The following DYRK4 variants were observed in gnomAD, a reference collection of about 807,000 sequenced individuals.
The protein encoded by DYRK4 is dual specificity tyrosine phosphorylation regulated kinase 4.
Under a neutral mutation model 68.3 loss-of-function variants are expected in DYRK4, and 64 were observed. The ratio of observed to expected loss-of-function variants is 0.94; its 90% CI spans 0.77 to 1.15. The LOEUF (loss-of-function observed/expected upper bound fraction) is 1.15. Among genes scored for constraint, DYRK4 ranks in the 50% most tolerant of loss-of-function variants. The pLI is 0.00. For synonymous variants in DYRK4, 274 were observed against 289.9 expected (o/e 0.95, Z 0.56); for missense variants, 740 against 764.7 (o/e 0.97, Z 0.38).
chr12:4,582,139 C>T (rs1364721632), intron 2 of DYRK4, among the ~76,000 whole-genome samples: 1 of 152,162 alleles, frequency 6.6e-6, no homozygotes, highest in African/African-American at 2.4e-5. Context: ...AGATAAGACC[C>T]AGGTCTTTTA....
At chr12:4,588,896 C>A in intron 2 of DYRK4, 41 bp from the exon 3 acceptor site, 1 of 1,516,864 alleles carries the variant, frequency 6.6e-7, no homozygotes, top group Non-Finnish European at 8.9e-7. Context: ...TGGGATAAAG[C>A]CATGCCAAGC....
At chr12:4,592,941 C>A in intron 5 of DYRK4, 61 bp from the exon 6 acceptor site, 1 of 1,569,494 alleles carries the variant, frequency 6.4e-7, no homozygotes, top group Non-Finnish European at 8.7e-7. Context: ...CCATCGTCTG[C>A]ATCCGGGGCA....
Position 4,613,711 on chromosome 12 carries a change from C to T in DYRK4, c.1863C>T (p.Asn621=). The T allele has an allele frequency of 6.3e-7, 1 of 1,584,688 alleles. No individual in the cohort carries two copies. Among genetic ancestry groups the T allele is most frequent in the African/African-American group, 1.3e-5 (1 of 74,396 alleles). The change falls in exon 15 of 15, where the codon AAC becomes AAT. Residue 621 remains asparagine, a synonymous_variant. Transcript: ENST00000543431. This position sits in a 1 kb window ranked among gnomAD's most constrained non-coding sequence, Gnocchi z 4.0. ...VSMTSPGQSK[N]FSLKNTNVLP... ...TGACCTCCCCAGGACAGAGCAAAAA[C>T]TTCTCCCTCAAGAACACAAACGTTT...
Position 4,586,729 on chromosome 12 carries a change from C to G in DYRK4, c.133-2208C>G, listed in dbSNP as rs5796118. Among the ~76,000 whole-genome samples, 166 of 112,466 alleles carry G rather than the reference C, an allele frequency of 1.5e-3. 1 individual carries two copies. Among genetic ancestry groups the G allele is most frequent in the Non-Finnish European group, 2.3e-3 (108 of 47,374 alleles). The allele number at this position is 112,466 out of a possible 152,430, so 73.8% of individuals were successfully genotyped here. On this transcript the variant is annotated intron_variant, in intron 2 of 14. Coordinates refer to ENST00000543431, the MANE Select transcript of DYRK4 (RefSeq NM_001394779.1). The stretch of plus-strand genomic sequence containing the variant: ...GTACACACACACACACACACACACA[C>G]ACAGACACACACACACACCCCTTTG...
intron 2 of DYRK4, among the ~76,000 whole-genome samples, chr12:4,584,526 G>C (rs10774243): frequency 0.49 from 71,946 of 147,046 alleles, 17,842 homozygotes; most frequent in Middle Eastern, 0.55. Context: ...CTGGTTTCAA[G>C]TTTCCCCCTT....
Position 4,613,461 on chromosome 12 carries a change from CA to C in DYRK4, c.1667-53del. The C allele has an allele frequency of 2.6e-6, 4 of 1,562,904 alleles. No individual in the cohort carries two copies. Among genetic ancestry groups the C allele is most frequent in the Non-Finnish European group, 3.5e-6 (4 of 1,148,222 alleles). On this transcript the variant is annotated intron_variant, in intron 14 of 14. Coordinates refer to ENST00000543431, the MANE Select transcript of DYRK4 (RefSeq NM_001394779.1). The surrounding 1 kb of genome is among the most constrained non-coding windows in gnomAD (Gnocchi z 4.0). ...GATGTACAACCTAAAGGACAATTAA[CA>C]TATAATCCACATTTGAATCTTGTTC... is the stretch of plus-strand genomic sequence containing the variant.
At chr12:4,600,842 A>G (rs752339992) in intron 10 of DYRK4, among the ~76,000 whole-genome samples, 2 of 149,554 alleles carry the variant, frequency 1.3e-5, no homozygotes, top group Non-Finnish European at 2.9e-5. Flanking sequence ...TATTAACTCA[A>G]TCTCTAGCCC....
At chr12:4,592,690 C>G in intron 5 of DYRK4, 1 of 232,486 alleles carries the variant, frequency 4.3e-6, no homozygotes, top group South Asian at 9.5e-5. Flanking sequence ...AAACTATATA[C>G]TATTGTCGAC....
rs753404187 is a variant in DYRK4 at position 4,596,696 on chromosome 12, G to T, written c.872G>T (p.Arg291Leu). The change falls in exon 8 of 15, where the codon CGC becomes CTC. Residue 291 changes from arginine to leucine, a missense_variant. Arg to Leu is a moderately radical substitution (Grantham distance 102, BLOSUM62 -2). Coordinates refer to ENST00000543431, the MANE Select transcript of DYRK4 (RefSeq NM_001394779.1). ...VVHMKDFFYFRNHFCITFELL... is the reference protein window; with the variant it reads ...VVHMKDFFYFLNHFCITFELL... Reference sequence around the variant, plus strand: ...CATATGAAGGACTTTTTCTACTTTCGCAATCACTTCTGCATCACCTTTGAG... The same window carrying T: ...CATATGAAGGACTTTTTCTACTTTCTCAATCACTTCTGCATCACCTTTGAG... 2 of 1,614,102 alleles carry T rather than the reference G, an allele frequency of 1.2e-6. No individual in the cohort carries two copies. The highest frequency in any genetic ancestry group is 1.7e-6 in the Non-Finnish European group (2 of 1,180,020).
chr12:4,579,868 G>A (rs1944824137), intron 2 of DYRK4, among the ~76,000 whole-genome samples: 1 of 151,808 alleles, frequency 6.6e-6, no homozygotes, highest in African/African-American at 2.4e-5. Flanking sequence ...TTGTCACCCG[G>A]TTTCCTGGCA....
chr12:4,600,925 C>T (rs1945074046), intron 10 of DYRK4, among the ~76,000 whole-genome samples: 2 of 152,000 alleles, frequency 1.3e-5, no homozygotes. Context: ...GTCTTTCTGG[C>T]AACCAGCCCC....
At position 4,605,051 on chromosome 12, in the gene DYRK4, G is replaced by A. The variant is rs1232724867; in HGVS notation, c.1264G>A (p.Glu422Lys). ...CACGGGCTACCCCCTGTTCCCCGGG[G>A]AGAATGAGGTGGAGCAGCTGGCCTG... is the stretch of plus-strand genomic sequence containing the variant. ...LYTGYPLFPGENEVEQLACIM... is the reference protein window; with the variant it reads ...LYTGYPLFPGKNEVEQLACIM... The change falls in exon 11 of 15, where the codon GAG becomes AAG. Residue 422 changes from glutamate to lysine, a missense_variant. This residue lies in a region of DYRK4 where 614 missense variants were observed against 603.7 expected (regional missense o/e 1.02). Transcript: ENST00000543431. The A allele has an allele frequency of 1.9e-6, 3 of 1,614,042 alleles. No homozygotes were observed. Among genetic ancestry groups the A allele is most frequent in the African/African-American group, 2.7e-5 (2 of 75,062 alleles).
chr12:4,578,813 C>T (rs1041655979), intron 2 of DYRK4, among the ~76,000 whole-genome samples: 3 of 152,184 alleles, frequency 2.0e-5, no homozygotes, highest in African/African-American at 7.2e-5. Context: ...ATCTGTCTGA[C>T]TCTGAGGTCT....
intron 2 of DYRK4, among the ~76,000 whole-genome samples, chr12:4,582,351 G>A (rs1408242614): frequency 1.3e-5 from 2 of 152,220 alleles, no homozygotes; most frequent in Admixed American, 1.3e-4. Flanking sequence ...GGCTGAGGCT[G>A]GAGAATCGCT....
intron 10 of DYRK4, among the ~76,000 whole-genome samples, chr12:4,600,690 G>A (rs1272072286): frequency 1.3e-5 from 2 of 151,660 alleles, no homozygotes; most frequent in Admixed American, 1.3e-4. Context: ...ACAAGGCAAA[G>A]TATTGAGAAG....
rs1780490145 is a variant in DYRK4, at chr12:4,590,427, C to T, written c.311C>T (p.Ser104Phe). Reference sequence around the variant, plus strand: ...AGCAAGAAAGTCCTGCTGAAGTCATCCCTGCTGTATCAGGTGAGTGCAGAC... The same window carrying T: ...AGCAAGAAAGTCCTGCTGAAGTCATTCCTGCTGTATCAGGTGAGTGCAGAC... Reference protein sequence around the residue: ...HISKKVLLKSSLLYQENQAHN... With the variant: ...HISKKVLLKSFLLYQENQAHN... The change falls in exon 4 of 15, where the codon TCC (serine) becomes TTC (phenylalanine). Residue 104 changes from serine to phenylalanine, a missense_variant. Transcript: ENST00000543431. The T allele has an allele frequency of 6.5e-7, 1 of 1,535,960 alleles. No individual in the cohort carries two copies. Among genetic ancestry groups the T allele is most frequent in the South Asian group, 1.2e-5 (1 of 84,042 alleles).
At chr12:4,565,267 G>A (rs1360421959) in intron 1 of DYRK4, among the ~76,000 whole-genome samples, 1 of 152,138 alleles carries the variant, frequency 6.6e-6, no homozygotes, top group Non-Finnish European at 1.5e-5. Context: ...AAAAAAGAAA[G>A]GCACAAAATA....
chr12:4,592,453 G>A (rs1187338260), intron 5 of DYRK4: 1 of 152,202 alleles, frequency 6.6e-6, no homozygotes, highest in Non-Finnish European at 1.5e-5. Flanking sequence ...CCACGCACGA[G>A]AGCGCCAATG....
At chr12:4,574,203 C>G (rs930758583) in intron 2 of DYRK4, among the ~76,000 whole-genome samples, 2 of 135,346 alleles carry the variant, frequency 1.5e-5, no homozygotes, top group Non-Finnish European at 3.1e-5. Flanking sequence ...CTGGCCTGGG[C>G]GACAGAGCGA....
Sources: gnomAD v4.1 joint callset for allele counts (sites outside exome capture counted in the v4.1 genomes callset) on GRCh38, gnomAD v4.1.1 for gene constraint, gnomAD v4.1.1 regional missense constraint, Gnocchi (gnomAD v3.1) non-coding constraint, MANE v1.5 for transcripts, NCBI Gene and HGNC (gene_info 2026-07-23, HGNC 2026-07-21) for gene names.